The following DDX4 variants were observed in gnomAD, a reference collection of about 807,000 sequenced individuals.
DDX4 encodes the protein DEAD-box helicase 4.
DDX4 carries 25 observed loss-of-function variants against 100.0 expected under a neutral mutation model. The ratio of observed to expected loss-of-function variants is 0.25; its 90% confidence interval spans 0.18 to 0.35. The LOEUF is 0.35. Ranked by LOEUF, DDX4 falls within the 10% of genes least tolerant of loss-of-function variation. The pLI is 1.00. For missense variants in DDX4, 635 were observed against 882.4 expected (o/e 0.72, Z 3.55); for synonymous variants, 259 against 275.7 (o/e 0.94, Z 0.60).
intron 2 of DDX4, chr5:55,742,219 GC>G: frequency 2.2e-6 from 1 of 456,288 alleles, no homozygotes; most frequent in Non-Finnish European, 4.4e-6. Context: ...TTGCCTGCAG[GC>G]TTATTGGGGT....
intron 7 of DDX4, among the ~76,000 whole-genome samples, chr5:55,774,757 T>C (rs141147407): frequency 6.6e-6 from 1 of 152,180 alleles, no homozygotes; most frequent in Non-Finnish European, 1.5e-5. Flanking sequence ...CTAGCACCAT[T>C]TGTTGATGTT....
At chr5:55,809,089 C>G (rs1204803214) in intron 18 of DDX4, among the ~76,000 whole-genome samples, 1 of 152,230 alleles carries the variant, frequency 6.6e-6, no homozygotes, top group East Asian at 1.9e-4. Context: ...ATGAGCGAGG[C>G]TCCATGGGGG....
At chr5:55,739,197 G>A (rs1758851689) in intron 2 of DDX4, among the ~76,000 whole-genome samples, 165 bp downstream of exon 2, 1 of 152,156 alleles carries the variant, frequency 6.6e-6, no homozygotes, top group Non-Finnish European at 1.5e-5. Context: ...CCTCGTATAG[G>A]ATACAATAGC....
intron 18 of DDX4, 128 bp from the exon 19 acceptor site, chr5:55,813,545 G>A: frequency 7.8e-7 from 1 of 1,276,766 alleles, no homozygotes; most frequent in Non-Finnish European, 1.0e-6. Context: ...TACCAGGCTT[G>A]GCTGTGGTGC....
intron 17 of DDX4, among the ~76,000 whole-genome samples, chr5:55,795,254 C>T (rs368346973): frequency 4.6e-5 from 7 of 152,168 alleles, no homozygotes; most frequent in South Asian, 2.1e-4. Flanking sequence ...CGTGAGCCAC[C>T]GCACCCGGCC....
chr5:55,757,698 TG>T (rs1177929463), intron 3 of DDX4, among the ~76,000 whole-genome samples: 5 of 152,174 alleles, frequency 3.3e-5, no homozygotes, highest in Admixed American at 2.6e-4. Flanking sequence ...TCTACTGTAT[TG>T]AAGTCTTATG....
At position 55,815,435 on chromosome 5, in the gene DDX4, G is replaced by A. The variant is rs1362873639; in HGVS notation, c.2097+12G>A. On this transcript the variant is annotated intron_variant, in intron 21 of 21. Coordinates refer to ENST00000505374, the MANE Select transcript of DDX4 (RefSeq NM_024415.3). The stretch of plus-strand genomic sequence containing the variant: ...TTGATACCAGAAAGGTTAGTAGAAA[G>A]GAAAACTTGAGAACTTGTCTTCTAG... 1 of 1,597,350 alleles carries A rather than the reference G, an allele frequency of 6.3e-7. No individual in the cohort carries two copies. The highest frequency in any genetic ancestry group is 2.2e-5 in the East Asian group (1 of 44,706).
At chr5:55,790,444 C>T (rs1742497173) in intron 15 of DDX4, 132 bp from the exon 16 acceptor site, 3 of 671,844 alleles carry the variant, frequency 4.5e-6, no homozygotes, top group Non-Finnish European at 7.5e-6. Context: ...CTGCACCCAG[C>T]CAGAATTTAA....
chr5:55,789,040 G>A (rs1272359886), intron 15 of DDX4, among the ~76,000 whole-genome samples: 1 of 152,080 alleles, frequency 6.6e-6, no homozygotes, highest in Non-Finnish European at 1.5e-5. Flanking sequence ...CAGCCTAGAT[G>A]ACAGTGAGAC....
chr5:55,748,390 A>G lies in DDX4; in HGVS notation c.127+2169A>G, dbSNP rs150652150. The stretch of plus-strand genomic sequence containing the variant: ...TTTTTTGAGGTATGAACAGAAGCCA[A>G]TATTTGTAAAGGAATGAAAGTTTAG... On this transcript the variant is annotated intron_variant, in intron 3 of 21. Transcript: ENST00000505374. Among the ~76,000 whole-genome samples, 8 of 152,332 alleles carry G rather than the reference A, an allele frequency of 5.3e-5. No individual in the cohort carries two copies. In the East Asian group the frequency reaches 1.5e-3, roughly 29 times the overall value.
intron 3 of DDX4, among the ~76,000 whole-genome samples, chr5:55,751,489 C>A (rs1303022608): frequency 1.3e-5 from 2 of 152,230 alleles, no homozygotes; most frequent in Non-Finnish European, 2.9e-5. Flanking sequence ...CCTGCCTTGG[C>A]CTCCCAAAGT....
Position 55,780,062 on chromosome 5 carries a change from C to T in DDX4, c.493C>T (p.Pro165Ser). Reference sequence around the variant, plus strand: ...CCGTGGAGGATTTGGTCTAGGAAGTCCAAGTTAGTACTGGATTTGCAAATG... The same window carrying T: ...CCGTGGAGGATTTGGTCTAGGAAGTTCAAGTTAGTACTGGATTTGCAAATG... ...GCRGGFGLGS[P>S]NNDLDPDECM... The change falls in exon 8 of 22, where the codon CCA (proline) becomes TCA (serine). Residue 165 changes from proline (P) to serine (S), a missense_variant. By Grantham distance (74) the Pro-to-Ser change is moderately conservative. Transcript: ENST00000505374. The T allele has an allele frequency of 1.9e-6, 3 of 1,613,444 alleles. No individual in the cohort carries two copies. Among genetic ancestry groups the T allele is most frequent in the Non-Finnish European group, 2.5e-6 (3 of 1,179,776 alleles).
intron 18 of DDX4, among the ~76,000 whole-genome samples, chr5:55,809,208 G>A (rs954437093): frequency 5.9e-5 from 9 of 152,174 alleles, no homozygotes; most frequent in East Asian, 3.9e-4. Context: ...TCCAGGTGCC[G>A]TCTGTCACCC....
chr5:55,740,367 A>G (rs1482232467), intron 2 of DDX4, among the ~76,000 whole-genome samples: 1 of 151,900 alleles, frequency 6.6e-6, no homozygotes, highest in Non-Finnish European at 1.5e-5. Flanking sequence ...GGGTTTCCCC[A>G]TGTTGGCCAG....
intron 7 of DDX4, 55 bp from the exon 8 acceptor site, chr5:55,779,909 C>A: frequency 6.4e-7 from 1 of 1,571,116 alleles, no homozygotes; most frequent in Non-Finnish European, 8.6e-7. Context: ...ACCATGTCCC[C>A]AAGATTTCTT....
chr5:55,785,209 C>A, intron 10 of DDX4, 88 bp from the exon 11 acceptor site: 1 of 860,704 alleles, frequency 1.2e-6, no homozygotes, highest in Non-Finnish European at 1.9e-6. Flanking sequence ...TTTTTTGGAA[C>A]TTGTTCTCTT....
intron 6 of DDX4, chr5:55,767,062 G>T: frequency 1.4e-6 from 2 of 1,424,294 alleles, no homozygotes; most frequent in African/African-American, 1.5e-5. Context: ...GGAGAAGCTA[G>T]GATATCCCCA....
chr5:55,810,059 G>C (rs162091), intron 18 of DDX4, among the ~76,000 whole-genome samples: 1 of 152,068 alleles, frequency 6.6e-6, no homozygotes, highest in Non-Finnish European at 1.5e-5. Context: ...AATAGAGGCC[G>C]AGTATCACTT....
Position 55,764,047 on chromosome 5 carries a change from G to T in DDX4, c.317G>T (p.Ser106Ile). ...FSNSRFEDGDSSGFWRESSND... is the reference protein window; with the variant it reads ...FSNSRFEDGDISGFWRESSND... Reference sequence around the variant, plus strand: ...AACAGCAGGTTTGAAGATGGTGATAGCTCTGGTTTCTGGAGAGGTAAGGTT... The same window carrying T: ...AACAGCAGGTTTGAAGATGGTGATATCTCTGGTTTCTGGAGAGGTAAGGTT... Residue 106 changes from serine to isoleucine, a missense_variant, in exon 6 of 22, where the codon AGC becomes ATC. Around this residue, in one of 4 missense-constraint regions of DDX4, gnomAD observed 446 missense variants for 540.8 expected, o/e 0.82. Coordinates refer to ENST00000505374, the MANE Select transcript of DDX4 (RefSeq NM_024415.3). 6.2e-7 allele frequency: 1 copy of T among 1,610,698 alleles called. No individual in the cohort carries two copies. Among genetic ancestry groups the T allele is most frequent in the Non-Finnish European group, 8.5e-7 (1 of 1,177,192 alleles).
Sources: gnomAD v4.1 joint callset for allele counts (sites outside exome capture counted in the v4.1 genomes callset) on GRCh38, gnomAD v4.1.1 for gene constraint, gnomAD v4.1.1 regional missense constraint, MANE v1.5 for transcripts, NCBI Gene and HGNC (gene_info 2026-07-23, HGNC 2026-07-21) for gene names.